ANKMY1: variants seen among roughly 807,000 people sequenced by gnomAD.
ANKMY1 encodes ankyrin repeat and MYND domain-containing protein 1.
ANKMY1 carries 98 observed loss-of-function variants against 102.0 expected under a neutral mutation model. The ratio of observed to expected loss-of-function variants is 0.96; its 90% CI spans 0.82 to 1.14. The LOEUF (loss-of-function observed/expected upper bound fraction) is 1.14. Ranked by LOEUF, ANKMY1 falls within the 50% of genes most tolerant of loss-of-function variation. ANKMY1 has a pLI of 0.00. For synonymous variants in ANKMY1, 582 were observed against 559.9 expected, an observed-to-expected ratio of 1.04 and a Z score of -0.56; for missense variants, 1,330 against 1,347.6, an observed-to-expected ratio of 0.99 and a Z score of 0.20.
Position 240,525,738 on chromosome 2 carries a change from G to A in ANKMY1, c.1282C>T (p.Pro428Ser). Reference protein sequence around the residue: ...ALSMCFLLHYPAQSFKPNVAE... With the variant: ...ALSMCFLLHYSAQSFKPNVAE... ...ACATTGGGCTTGAAGGACTGGGCGG[G>A]GTAGTGGAGGAGGAAACACATGCTG... Residue 428 changes from proline to serine, a missense_variant, in exon 7 of 18, where the codon CCC becomes TCC. Coordinates refer to ENST00000401804, the MANE Select transcript of ANKMY1 (RefSeq NM_001282771.3). The A allele has an allele frequency of 6.2e-7, 1 of 1,614,186 alleles. No homozygotes were observed. The highest frequency in any genetic ancestry group is 1.1e-5 in the South Asian group (1 of 91,090).
Position 240,512,957 on chromosome 2 carries a change from C to T in ANKMY1, c.2005-15G>A, listed in dbSNP as rs894922518. The T allele has an allele frequency of 5.0e-6, 8 of 1,607,928 alleles. No homozygotes were observed. The Admixed American group carries it at 5.0e-5, about 10-fold the overall frequency. ...AGGGTGCTCAGCTGCAGAGGAAACACCGGGGCGGGCAGTGAGGCACATTCT... is the reference window on the plus strand; with the variant it reads ...AGGGTGCTCAGCTGCAGAGGAAACATCGGGGCGGGCAGTGAGGCACATTCT... On this transcript the variant is annotated splice_polypyrimidine_tract_variant and intron_variant, in intron 9 of 17. Coordinates refer to ENST00000401804, the MANE Select transcript of ANKMY1 (RefSeq NM_001282771.3).
chr2:240,503,648 G>C (rs911851264), intron 13 of ANKMY1, among the ~76,000 whole-genome samples: 1 of 152,208 alleles, frequency 6.6e-6, no homozygotes, highest in African/African-American at 2.4e-5. Flanking sequence ...CATCCCACAA[G>C]CTCACCATGG....
chr2:240,497,729 C>T (rs2077448377), intron 15 of ANKMY1, among the ~76,000 whole-genome samples: 2 of 152,198 alleles, frequency 1.3e-5, no homozygotes, highest in Non-Finnish European at 2.9e-5. Flanking sequence ...TGTCTTTGCT[C>T]TGTTAAAAAT....
At chr2:240,503,158 G>A (rs367973825) in intron 13 of ANKMY1, among the ~76,000 whole-genome samples, 19 of 152,358 alleles carry the variant, frequency 1.2e-4, no homozygotes, top group African/African-American at 4.6e-4. Context: ...GGCGGCCTGA[G>A]GCTGACCAGC....
chr2:240,540,557 T>C (rs922454240), intron 4 of ANKMY1, among the ~76,000 whole-genome samples: 1 of 152,168 alleles, frequency 6.6e-6, no homozygotes, highest in Non-Finnish European at 1.5e-5. Context: ...ATTGCTTCCT[T>C]ACCCCTCCTG....
rs779647304 is a variant in ANKMY1, at chr2:240,520,367, G to A, written c.1999C>T (p.Pro667Ser). Residue 667 changes from proline to serine, a missense_variant, in exon 9 of 18, where the codon CCG (proline) becomes TCG (serine). Physicochemically the swap from Pro to Ser is moderately conservative, Grantham distance 74 (BLOSUM62 -1). Transcript: ENST00000401804. This position sits in a 1 kb window ranked among gnomAD's most constrained non-coding sequence, Gnocchi z 4.8. ...HGARTDICFP[P>S]QLSTLTPLHI... ...CCGCCCGCCGCGGCTCCTACCTGCGGCGGAAAGCAGATGTCGGTCCTCGCC... is the reference window on the plus strand; with the variant it reads ...CCGCCCGCCGCGGCTCCTACCTGCGACGGAAAGCAGATGTCGGTCCTCGCC... 1.3e-6 allele frequency: 2 copies of A among 1,550,638 alleles called. No individual in the cohort carries two copies. Among genetic ancestry groups the A allele is most frequent in the African/African-American group, 2.7e-5 (2 of 73,236 alleles).
intron 4 of ANKMY1, among the ~76,000 whole-genome samples, chr2:240,546,711 C>A (rs905236237): frequency 1.3e-5 from 2 of 152,156 alleles, no homozygotes; most frequent in African/African-American, 4.8e-5. Flanking sequence ...GGTTGCAATA[C>A]TAGTCTCTGA....
intron 4 of ANKMY1, among the ~76,000 whole-genome samples, chr2:240,538,136 G>A (rs1425961021): frequency 1.3e-5 from 2 of 152,190 alleles, no homozygotes; most frequent in Non-Finnish European, 2.9e-5. Context: ...AGCAGCCCTC[G>A]CTCACTCTCG....
chr2:240,482,017 T>G (rs902280009), intron 16 of ANKMY1, among the ~76,000 whole-genome samples, 166 bp downstream of exon 16: 1 of 152,064 alleles, frequency 6.6e-6, no homozygotes, highest in African/African-American at 2.4e-5. Flanking sequence ...TCATCTTGGT[T>G]GAAGCCCACA....
rs149588443 is a variant in ANKMY1, at chr2:240,514,781, G to A, written c.2005-1839C>T. 7.2e-5 allele frequency among the ~76,000 whole-genome samples: 11 copies of A among 152,352 alleles called. No individual in the cohort carries two copies. In the East Asian group the frequency reaches 2.1e-3, roughly 29 times the overall value. On this transcript the variant is annotated intron_variant, in intron 9 of 17. Coordinates refer to ENST00000401804, the MANE Select transcript of ANKMY1 (RefSeq NM_001282771.3). ...TAGAGTGGGACTTGAAGCCACAACT[G>A]CGCAGCATGGTGGAGGGAGGCAACC...
chr2:240,512,541 C>A (rs190765665), intron 10 of ANKMY1, among the ~76,000 whole-genome samples: 28 of 152,362 alleles, frequency 1.8e-4, no homozygotes, highest in African/African-American at 6.5e-4. Context: ...CGCATGGGGA[C>A]CCCCACGCCC....
intron 2 of ANKMY1, among the ~76,000 whole-genome samples, chr2:240,555,712 G>A (rs1413390817): frequency 6.6e-6 from 1 of 152,014 alleles, no homozygotes; most frequent in Non-Finnish European, 1.5e-5. Flanking sequence ...AGACGGATGG[G>A]GCGTCTTAGA....
At chr2:240,543,172 A>G (rs2152532646) in intron 4 of ANKMY1, among the ~76,000 whole-genome samples, 1 of 151,538 alleles carries the variant, frequency 6.6e-6, no homozygotes, top group South Asian at 2.1e-4. Context: ...ACACGGTGAA[A>G]CCCCGTCTCT....
the ANKMY1 span, among the ~76,000 whole-genome samples, chr2:240,473,132 A>AC: frequency 1.3e-4 from 20 of 150,336 alleles, no homozygotes; most frequent in Non-Finnish European, 1.2e-4. Context: ...CTAAAAAAAA[A>AC]AAAAAAACAA....
chr2:240,481,215 C>T (rs2075343607), intron 16 of ANKMY1, 118 bp from the exon 17 acceptor site: 1 of 1,309,286 alleles, frequency 7.6e-7, no homozygotes, highest in East Asian at 2.5e-5. Context: ...CACCGTCCCG[C>T]ACTGTCCCCT....
chr2:240,507,753 G>A, intron 12 of ANKMY1, 62 bp from the exon 13 acceptor site: 1 of 1,527,068 alleles, frequency 6.5e-7, no homozygotes, highest in Non-Finnish European at 8.8e-7. Flanking sequence ...CAGAGGGGAA[G>A]GCCCCAGGGC....
At chr2:240,539,330 C>T (rs954609304) in intron 4 of ANKMY1, among the ~76,000 whole-genome samples, 2 of 151,910 alleles carry the variant, frequency 1.3e-5, no homozygotes, top group Admixed American at 1.3e-4. Flanking sequence ...ACCGGAGGAA[C>T]GAGCAACTCC....
intron 4 of ANKMY1, among the ~76,000 whole-genome samples, chr2:240,544,814 G>A (rs1387488338): frequency 2.6e-5 from 4 of 152,072 alleles, no homozygotes; most frequent in South Asian, 4.2e-4. Context: ...CTTAAAAAAC[G>A]GCGCACCAGG....
chr2:240,521,491 C>CCTTT, intron 8 of ANKMY1, among the ~76,000 whole-genome samples: 1 of 69,626 alleles, frequency 1.4e-5, no homozygotes, highest in Admixed American at 1.9e-4. Flanking sequence ...GGTGTTACAG[C>CCTTT]TTTTTTTTTT....
Sources: allele counts gnomAD v4.1 joint callset (sites outside exome capture counted in the v4.1 genomes callset), GRCh38; gene constraint gnomAD v4.1.1; non-coding constraint Gnocchi (gnomAD v3.1); transcripts MANE v1.5; gene names NCBI Gene and HGNC (gene_info 2026-07-23, HGNC 2026-07-21).